TRERF1: variants seen among roughly 807,000 people sequenced by gnomAD.
TRERF1 encodes transcriptional-regulating factor 1.
Under a neutral mutation model 122.9 loss-of-function variants are expected in TRERF1, and 27 were observed. The observed-to-expected ratio is 0.22, with a 90% CI of 0.16 to 0.30. The LOEUF is 0.30. Among genes scored for constraint, TRERF1 ranks in the 10% least tolerant of loss-of-function variants. TRERF1 has a pLI of 1.00. For synonymous variants in TRERF1, 636 were observed against 641.7 expected (o/e 0.99, Z 0.13); for missense variants, 1,248 against 1,560.3 (o/e 0.80, Z 3.37).
chr6:42,394,216 A>C (rs1428445972), intron 2 of TRERF1, among the ~76,000 whole-genome samples: 1 of 152,080 alleles, frequency 6.6e-6, no homozygotes, highest in Non-Finnish European at 1.5e-5. Context: ...CAAAGAGACA[A>C]GCCAGGTCAC....
At chr6:42,292,916 ACC>A in intron 4 of TRERF1, among the ~76,000 whole-genome samples, 1 of 152,302 alleles carries the variant, frequency 6.6e-6, no homozygotes, top group African/African-American at 2.4e-5. Context: ...TCAAGAGGGT[ACC>A]CAGCTCTCCA....
At chr6:42,297,132 G>A (rs1347672551) in intron 4 of TRERF1, among the ~76,000 whole-genome samples, 5 of 152,152 alleles carry the variant, frequency 3.3e-5, no homozygotes, top group Admixed American at 2.6e-4. Context: ...CACCCTCTCT[G>A]AGCTTCAGGT....
At chr6:42,446,714 G>C (rs897480193) in intron 2 of TRERF1, among the ~76,000 whole-genome samples, 1 of 152,162 alleles carries the variant, frequency 6.6e-6, no homozygotes. Flanking sequence ...AAAAACCCTC[G>C]TTCCGCAGCC....
Position 42,374,152 on chromosome 6 carries a change from AGAAGAAG to A in TRERF1, c.-453-11080_-453-11074del, listed in dbSNP as rs796150974. Among the ~76,000 whole-genome samples, 834 of 134,558 alleles carry A rather than the reference AGAAGAAG, an allele frequency of 6.2e-3. 6 individuals carry two copies. The highest frequency in any genetic ancestry group is 0.024 in the African/African-American group (760 of 31,936). The allele number at this position is 134,558 out of a possible 152,430, so 88.3% of individuals were successfully genotyped here. ...GTCTTTTTTTTAAAAAAAAAAAAAA[AGAAGAAG>A]AAGAAGAAGAAGAAGAAGAAGGGGA... On this transcript the variant is annotated intron_variant, in intron 2 of 17. Coordinates refer to ENST00000372922, the Ensembl canonical transcript of TRERF1.
intron 2 of TRERF1, among the ~76,000 whole-genome samples, chr6:42,400,232 G>T (rs1180228336): frequency 2.6e-5 from 4 of 152,168 alleles, no homozygotes; most frequent in Non-Finnish European, 5.9e-5. Context: ...CCTAAATGCA[G>T]CACCACTATT....
chr6:42,336,542 T>A (rs1042185856), intron 3 of TRERF1, among the ~76,000 whole-genome samples: 1 of 152,168 alleles, frequency 6.6e-6, no homozygotes, highest in Non-Finnish European at 1.5e-5. Flanking sequence ...GTAAACAAGC[T>A]ATCATCCCCT....
At chr6:42,378,558 A>G (rs971248709) in intron 2 of TRERF1, among the ~76,000 whole-genome samples, 2 of 152,202 alleles carry the variant, frequency 1.3e-5, no homozygotes, top group African/African-American at 4.8e-5. Flanking sequence ...AGAGGTCTAC[A>G]TGGATTTCAG....
intron 2 of TRERF1, among the ~76,000 whole-genome samples, chr6:42,436,458 A>T (rs1785383343): frequency 1.3e-5 from 2 of 152,148 alleles, no homozygotes; most frequent in Non-Finnish European, 2.9e-5. Flanking sequence ...AAAGAACCCT[A>T]ATATGATTTT....
intron 5 of TRERF1, among the ~76,000 whole-genome samples, chr6:42,266,641 C>T (rs571254135): frequency 1.3e-5 from 2 of 152,302 alleles, no homozygotes; most frequent in Non-Finnish European, 2.9e-5. Context: ...TCTTTCTATC[C>T]AACCAGTTCC....
chr6:42,298,586 C>T (rs1226487945), intron 4 of TRERF1, among the ~76,000 whole-genome samples: 1 of 147,584 alleles, frequency 6.8e-6, no homozygotes, highest in African/African-American at 2.5e-5. Flanking sequence ...GGGTGGATCA[C>T]TGGAGGTCAG....
In TRERF1 at chr6:42,351,956, G is replaced by A. The variant is rs1769529745; in HGVS notation, c.-371+11041C>T. Among the ~76,000 whole-genome samples, 2 of 152,180 alleles carry A rather than the reference G, an allele frequency of 1.3e-5. 1 individual carries two copies. Among genetic ancestry groups the A allele is most frequent in the South Asian group, 4.1e-4 (2 of 4,826 alleles). On this transcript the variant is annotated intron_variant, in intron 3 of 17. Transcript: ENST00000372922. ...GTCTGAAACACCTATGTTGGACTGA[G>A]TGAGAAATAAACTCTATTGTGTTAA... is the stretch of plus-strand genomic sequence containing the variant.
intron 2 of TRERF1, among the ~76,000 whole-genome samples, chr6:42,407,249 C>T (rs866028103): frequency 2.6e-4 from 40 of 152,218 alleles, no homozygotes; most frequent in African/African-American, 9.4e-4. Context: ...TCTTAGGCCA[C>T]ATCTCCAGAT....
At chr6:42,341,674 C>T (rs1767323700) in intron 3 of TRERF1, among the ~76,000 whole-genome samples, 1 of 152,210 alleles carries the variant, frequency 6.6e-6, no homozygotes, top group Non-Finnish European at 1.5e-5. Flanking sequence ...CTACCCCTAG[C>T]ATGGCTCCCT....
chr6:42,325,166 G>C (rs148903223), intron 3 of TRERF1, among the ~76,000 whole-genome samples: 1 of 152,114 alleles, frequency 6.6e-6, no homozygotes, highest in African/African-American at 2.4e-5. Flanking sequence ...GCTCAACATC[G>C]CTAATCATCA....
intron 3 of TRERF1, among the ~76,000 whole-genome samples, chr6:42,308,447 G>A (rs1249209820): frequency 6.6e-6 from 1 of 152,202 alleles, no homozygotes; most frequent in Admixed American, 6.5e-5. Flanking sequence ...GCAGGTTAGT[G>A]GTTGCAAGGG....
chr6:42,270,676 A>C (rs1780052368), intron 4 of TRERF1, among the ~76,000 whole-genome samples: 1 of 151,576 alleles, frequency 6.6e-6, no homozygotes, highest in Non-Finnish European at 1.5e-5. Context: ...GATGGCACGC[A>C]CCTGTACCCC....
chr6:42,428,008 T>C (rs894493062), intron 2 of TRERF1, among the ~76,000 whole-genome samples: 5 of 151,976 alleles, frequency 3.3e-5, no homozygotes, highest in Non-Finnish European at 7.4e-5. Context: ...CTGCTTGCAG[T>C]GGGAAACAGC....
At chr6:42,314,226 A>G (rs1251025527) in intron 3 of TRERF1, among the ~76,000 whole-genome samples, 2 of 152,230 alleles carry the variant, frequency 1.3e-5, no homozygotes, top group Non-Finnish European at 2.9e-5. Flanking sequence ...CTAAATTCAG[A>G]ACCCTAGCTG....
chr6:42,354,015 AG>A (rs2150863092), intron 3 of TRERF1, among the ~76,000 whole-genome samples: 1 of 152,370 alleles, frequency 6.6e-6, no homozygotes, highest in East Asian at 1.9e-4. Context: ...ACACAAAAGT[AG>A]CTAGAATATA....
Sources: allele counts gnomAD v4.1 joint callset (sites outside exome capture counted in the v4.1 genomes callset), GRCh38; gene constraint gnomAD v4.1.1; transcripts MANE v1.5; gene names NCBI Gene and HGNC (gene_info 2026-07-23, HGNC 2026-07-21).